Variants in DNAH3 observed in about 807,000 individuals in gnomAD.
DNAH3 encodes dynein axonemal heavy chain 3.
A neutral mutation model predicts 432.5 loss-of-function variants in DNAH3; 332 were observed. The observed-to-expected ratio is 0.77, with a 90% confidence interval of 0.70 to 0.84. The LOEUF is 0.84. DNAH3 is among the 40% of genes least tolerant of loss of function. DNAH3 has a pLI of 0.00. For synonymous variants in DNAH3, 1,956 were observed against 1,900.2 expected (o/e 1.03, Z -0.76); for missense variants, 4,861 against 5,114.0 (o/e 0.95, Z 1.51).
intron 58 of DNAH3, among the ~76,000 whole-genome samples, chr16:20,942,404 A>T (rs1366719591): frequency 6.6e-6 from 1 of 152,192 alleles, no homozygotes; most frequent in African/African-American, 2.4e-5. Flanking sequence ...GGAGAGACAG[A>T]CACCCTGTGG....
chr16:21,051,304 G>C (rs1298748307), intron 29 of DNAH3, among the ~76,000 whole-genome samples: 1 of 152,166 alleles, frequency 6.6e-6, no homozygotes, highest in East Asian at 1.9e-4. Context: ...GCAGAGCATA[G>C]AGACCCCTTG....
chr16:21,056,739 G>A (rs1284010800), intron 27 of DNAH3, among the ~76,000 whole-genome samples: 1 of 152,154 alleles, frequency 6.6e-6, no homozygotes, highest in Admixed American at 6.6e-5. Flanking sequence ...ACCAGGGCCT[G>A]GATGTATGAC....
intron 23 of DNAH3, among the ~76,000 whole-genome samples, 154 bp from the exon 24 acceptor site, chr16:21,067,573 AT>A (rs1414454425): frequency 6.6e-6 from 1 of 152,038 alleles, no homozygotes; most frequent in African/African-American, 2.4e-5. Flanking sequence ...GTGAATGCTT[AT>A]GGAACATGAC....
intron 24 of DNAH3, among the ~76,000 whole-genome samples, chr16:21,063,415 A>G (rs1046600099): frequency 1.3e-5 from 2 of 152,012 alleles, no homozygotes; most frequent in African/African-American, 4.8e-5. Flanking sequence ...CAAGAAAGTA[A>G]ATGTTAATAA....
chr16:21,147,070 T>A (rs1004886248), intron 1 of DNAH3, among the ~76,000 whole-genome samples: 1 of 152,082 alleles, frequency 6.6e-6, no homozygotes, highest in Non-Finnish European at 1.5e-5. Context: ...CCTGCTTCAT[T>A]TTTTAATCAT....
At chr16:21,117,333 A>T (rs1567819423) in intron 11 of DNAH3, 2 of 1,556,614 alleles carry the variant, frequency 1.3e-6, no homozygotes. Context: ...AACAGGACAG[A>T]TTCCACCTGA....
intron 41 of DNAH3, among the ~76,000 whole-genome samples, chr16:21,018,041 T>G (rs1325587001): frequency 1.3e-5 from 2 of 152,166 alleles, no homozygotes; most frequent in Non-Finnish European, 2.9e-5. Context: ...TCTACACACT[T>G]TCTCATAAAT....
chr16:21,081,752 T>TG (rs760684122), intron 19 of DNAH3, 25 bp from the exon 20 acceptor site: 2 of 1,604,312 alleles, frequency 1.2e-6, no homozygotes, highest in East Asian at 4.5e-5. Context: ...GGAAAGCAAA[T>TG]GTTTGTTGTC....
chr16:21,097,489 T>C (rs749056333), exon 18 of DNAH3: 1 of 1,613,548 alleles, frequency 6.2e-7, no homozygotes, highest in Admixed American at 1.7e-5. Context: ...CTCTTCCTCC[T>C]TATTGATCAA....
At chr16:20,985,805 G>A in intron 47 of DNAH3, 90 bp from the exon 48 acceptor site, 17 of 1,332,500 alleles carry the variant, frequency 1.3e-5, no homozygotes, top group Non-Finnish European at 1.8e-5. Context: ...TGGGAGACGT[G>A]GCTTATTTCC....
intron 12 of DNAH3, 26 bp downstream of exon 12, chr16:21,117,177 G>A: frequency 1.3e-6 from 2 of 1,498,996 alleles, no homozygotes; most frequent in Non-Finnish European, 1.8e-6. Context: ...AAGCTACATA[G>A]CTAATAAATT....
intron 1 of DNAH3, among the ~76,000 whole-genome samples, chr16:21,153,706 A>G (rs1463475782): frequency 4.6e-5 from 7 of 152,090 alleles, no homozygotes; most frequent in Admixed American, 3.9e-4. Context: ...AACTCCGAAC[A>G]CATCCGAGCA....
chr16:20,990,946 G>A (rs947549150), intron 44 of DNAH3, among the ~76,000 whole-genome samples: 19 of 152,052 alleles, frequency 1.2e-4, no homozygotes, highest in African/African-American at 4.3e-4. Flanking sequence ...GCTTGAATCC[G>A]GGAGGCAGAG....
chr16:21,120,808 T>TCAGCAG (rs751153499), exon 11 of DNAH3: 2 of 1,613,958 alleles, frequency 1.2e-6, no homozygotes, highest in Middle Eastern at 1.7e-4. Context: ...ACATTGCCGA[T>TCAGCAG]CAGCAGCAGC....
At chr16:20,973,695 C>A (rs933198278) in intron 51 of DNAH3, among the ~76,000 whole-genome samples, 3 of 152,242 alleles carry the variant, frequency 2.0e-5, no homozygotes, top group African/African-American at 7.2e-5. Context: ...GTAGGTCAAG[C>A]CCTTACCAGG....
At position 20,964,729 on chromosome 16, in the gene DNAH3, C is replaced by T. The variant is rs773303356; in HGVS notation, c.9155G>A (p.Arg3052His). 2.4e-5 allele frequency: 38 copies of T among 1,614,012 alleles called. No homozygotes were observed. Among genetic ancestry groups the T allele is most frequent in the South Asian group, 5.5e-5 (5 of 91,086 alleles). Residue 3052 changes from arginine to histidine, a missense_variant, in exon 53 of 62, where the codon CGT becomes CAT. Transcript: ENST00000261383. ...GGGAAGCCCAGCAATCTGCCAGGCA[C>T]GGATTTTTATGGGATCCCCTAACGT...
At chr16:20,941,644 T>C in intron 58 of DNAH3, 101 bp from the exon 59 acceptor site, 1 of 1,423,782 alleles carries the variant, frequency 7.0e-7, no homozygotes, top group Non-Finnish European at 9.5e-7. Flanking sequence ...TCAAATGTAT[T>C]CTGTGGGACT....
At position 21,027,647 on chromosome 16, in the gene DNAH3, A is replaced by G. The variant is rs899851279; in HGVS notation, c.5440-520T>C. 3.2e-4 allele frequency among the ~76,000 whole-genome samples: 48 copies of G among 152,218 alleles called. 1 individual carries two copies. The highest frequency in any genetic ancestry group is 2.8e-3 in the Admixed American group (43 of 15,288). ...TTGAGGTCAGGAGTTCAAGACCAGC[A>G]TGGCCAACATGGTAAAACCCTGTCT... On this transcript the variant is annotated intron_variant, in intron 37 of 61. Transcript: ENST00000261383.
exon 38 of DNAH3, chr16:21,027,061 C>T (rs760215651): frequency 3.6e-5 from 58 of 1,613,402 alleles, no homozygotes; most frequent in Middle Eastern, 1.6e-4. Context: ...TGCTCGAGGT[C>T]GGCGGGCTCG....
Sources: allele counts gnomAD v4.1 joint callset (sites outside exome capture counted in the v4.1 genomes callset), GRCh38; gene constraint gnomAD v4.1.1; transcripts MANE v1.5; gene names NCBI Gene and HGNC (gene_info 2026-07-23, HGNC 2026-07-21).